Variants in KDM4C observed in about 807,000 individuals in gnomAD.
The protein encoded by KDM4C is lysine demethylase 4C.
KDM4C carries 81 observed loss-of-function variants against 129.3 expected under a neutral mutation model. The ratio of observed to expected loss-of-function variants is 0.63; its 90% CI spans 0.52 to 0.75. The LOEUF is 0.75. Ranked by LOEUF, KDM4C falls within the 30% of genes least tolerant of loss-of-function variation. The pLI, the probability that KDM4C is intolerant of heterozygous loss-of-function variation, is 0.00. For synonymous variants in KDM4C, 573 were observed against 456.1 expected (o/e 1.26, Z -3.26); for missense variants, 1,457 against 1,304.0 (o/e 1.12, Z -1.81).
At chr9:6,899,744 G>T (rs1320292868) in intron 8 of KDM4C, among the ~76,000 whole-genome samples, 1 of 152,172 alleles carries the variant, frequency 6.6e-6, no homozygotes, top group African/African-American at 2.4e-5. Flanking sequence ...GAGACTTCAG[G>T]TATGATGGTA....
intron 4 of KDM4C, among the ~76,000 whole-genome samples, chr9:6,827,287 GT>G (rs1834051583): frequency 6.6e-6 from 1 of 152,122 alleles, no homozygotes; most frequent in African/African-American, 2.4e-5. Flanking sequence ...GCTCTCTCTC[GT>G]TCCTTCCAGC....
At chr9:7,141,650 A>G (rs916371877) in intron 19 of KDM4C, among the ~76,000 whole-genome samples, 1 of 152,288 alleles carries the variant, frequency 6.6e-6, no homozygotes, top group South Asian at 2.1e-4. Flanking sequence ...AGAAGCCCAG[A>G]CTTCCAGGCC....
At chr9:6,781,466 A>G (rs1024020299) in intron 1 of KDM4C, among the ~76,000 whole-genome samples, 8 of 152,142 alleles carry the variant, frequency 5.3e-5, no homozygotes, top group Non-Finnish European at 7.3e-5. Flanking sequence ...ACTGTAACTC[A>G]TGACTGAACC....
chr9:6,767,457 C>G (rs1001375727), intron 1 of KDM4C, among the ~76,000 whole-genome samples: 1 of 145,784 alleles, frequency 6.9e-6, no homozygotes, highest in Non-Finnish European at 1.5e-5. Context: ...TTTTTTGAGA[C>G]GGTGTCTTGA....
At chr9:6,776,022 A>G (rs1287985152) in intron 1 of KDM4C, among the ~76,000 whole-genome samples, 1 of 152,212 alleles carries the variant, frequency 6.6e-6, no homozygotes, top group East Asian at 1.9e-4. Context: ...TACTTTTGAT[A>G]CATGAACAAT....
intron 1 of KDM4C, among the ~76,000 whole-genome samples, chr9:6,731,659 T>A (rs1817341021): frequency 6.6e-6 from 1 of 152,120 alleles, no homozygotes; most frequent in African/African-American, 2.4e-5. Context: ...TTTGGTTTGG[T>A]CTGTTGGGGC....
At chr9:6,943,508 A>G (rs1243875907) in intron 8 of KDM4C, among the ~76,000 whole-genome samples, 1 of 152,040 alleles carries the variant, frequency 6.6e-6, no homozygotes, top group East Asian at 1.9e-4. Context: ...CAGGAGTTCT[A>G]GATCAGCCTG....
intron 8 of KDM4C, among the ~76,000 whole-genome samples, chr9:6,979,016 G>A (rs2792227): frequency 0.74 from 112,806 of 151,962 alleles, 42,221 homozygotes; most frequent in Middle Eastern, 0.81. Flanking sequence ...CCCTAGGGAT[G>A]TTGCAATTGT....
intron 8 of KDM4C, among the ~76,000 whole-genome samples, chr9:6,967,710 C>G (rs1831245364): frequency 6.6e-6 from 1 of 152,138 alleles, no homozygotes; most frequent in Non-Finnish European, 1.5e-5. Context: ...TAAGTTTTCT[C>G]AATATGAGAA....
Position 6,806,503 on chromosome 9 carries a change from A to G in KDM4C, c.320+729A>G, listed in dbSNP as rs540149081. Among the ~76,000 whole-genome samples the G allele has an allele frequency of 3.5e-5, 4 of 114,422 alleles. No homozygotes were observed. In the East Asian group the frequency reaches 8.0e-4, roughly 23 times the overall value. The allele number at this position is 114,422 out of a possible 152,430, so 75.1% of individuals were successfully genotyped here. ...GAGTGAAACTCCGTCTCGAAAAAAT[A>G]AATAAATAAATAAATAAATAAATAA... On this transcript the variant is annotated intron_variant, in intron 3 of 21. Transcript: ENST00000381309.
intron 15 of KDM4C, among the ~76,000 whole-genome samples, chr9:7,027,999 CG>C (rs1826080039): frequency 6.6e-6 from 1 of 152,126 alleles, no homozygotes; most frequent in Admixed American, 6.6e-5. Context: ...CTGGGCTCCC[CG>C]CTGGCCCAGA....
At chr9:6,868,640 G>A (rs1233853656) in intron 5 of KDM4C, among the ~76,000 whole-genome samples, 2 of 151,988 alleles carry the variant, frequency 1.3e-5, no homozygotes, top group African/African-American at 2.4e-5. Context: ...ATTGTTTAGG[G>A]AATACTGACC....
intron 4 of KDM4C, among the ~76,000 whole-genome samples, chr9:6,844,510 G>A (rs1328427670): frequency 1.3e-5 from 2 of 152,156 alleles, no homozygotes; most frequent in South Asian, 2.1e-4. Context: ...TTTACATGAT[G>A]TAAATGTGTT....
chr9:7,172,175 A>T (rs1242355611), intron 21 of KDM4C, among the ~76,000 whole-genome samples: 3 of 152,066 alleles, frequency 2.0e-5, no homozygotes, highest in African/African-American at 7.2e-5. Context: ...TTAAGGATGG[A>T]GGTTAGCCGC....
At chr9:7,083,266 C>G (rs1834741737) in intron 17 of KDM4C, among the ~76,000 whole-genome samples, 1 of 152,182 alleles carries the variant, frequency 6.6e-6, no homozygotes, top group African/African-American at 2.4e-5. Context: ...ATCTGTAAAT[C>G]TAAGATCTGA....
intron 17 of KDM4C, among the ~76,000 whole-genome samples, chr9:7,053,228 G>C (rs892060173): frequency 6.6e-6 from 1 of 152,156 alleles, no homozygotes; most frequent in African/African-American, 2.4e-5. Flanking sequence ...TTTATGCAGA[G>C]GTATTTGAAT....
rs1554643688 is a variant in KDM4C at position 6,919,223 on chromosome 9, C to CTTCTTTCT, written c.921+26010_921+26017dup. Among the ~76,000 whole-genome samples, 150 of 109,032 alleles carry CTTCTTTCT rather than the reference C, an allele frequency of 1.4e-3. 1 individual carries two copies. In the East Asian group the frequency reaches 0.019, roughly 14 times the overall value. The allele number at this position is 109,032 out of a possible 152,430, so 71.5% of individuals were successfully genotyped here. A position where few individuals can be genotyped will look rare whatever the true frequency, so the allele number is the denominator to read the frequency against. On this transcript the variant is annotated intron_variant, in intron 8 of 21. Transcript: ENST00000381309. The stretch of plus-strand genomic sequence containing the variant: ...TTACAGATTCTGAATTTTCTTTTTC[C>CTTCTTTCT]TTCTTTCTTTCTTTCTTTCTTTCTT...
intron 19 of KDM4C, among the ~76,000 whole-genome samples, chr9:7,152,093 G>A (rs114970382): frequency 1.3e-5 from 2 of 152,184 alleles, no homozygotes; most frequent in East Asian, 3.9e-4. Flanking sequence ...TTTATTTACT[G>A]CACTAGAGAA....
chr9:7,109,967 C>G (rs1026624977), intron 18 of KDM4C, among the ~76,000 whole-genome samples: 1 of 152,160 alleles, frequency 6.6e-6, no homozygotes, highest in African/African-American at 2.4e-5. Flanking sequence ...AGCACTCATT[C>G]TCTCTCCTGC....
Sources: gnomAD v4.1 joint callset for allele counts (sites outside exome capture counted in the v4.1 genomes callset) on GRCh38, gnomAD v4.1.1 for gene constraint, MANE v1.5 for transcripts, NCBI Gene and HGNC (gene_info 2026-07-23, HGNC 2026-07-21) for gene names.